Variants in SLC12A7 observed in about 807,000 individuals in gnomAD.
SLC12A7 encodes K-Cl cotransporter 4.
Under a neutral mutation model 120.6 loss-of-function variants are expected in SLC12A7, and 100 were observed. The ratio of observed to expected loss-of-function variants is 0.83; its 90% CI spans 0.71 to 0.98. The LOEUF (loss-of-function observed/expected upper bound fraction) is 0.98, where lower values mean the gene tolerates loss of function less well. SLC12A7 is among the 50% of genes least tolerant of loss of function. SLC12A7 has a pLI of 0.00. For synonymous variants in SLC12A7, 760 were observed against 678.0 expected (o/e 1.12, Z -1.88); for missense variants, 1,373 against 1,548.1 (o/e 0.89, Z 1.90).
chr5:1,139,623 T>A, the SLC12A7 span, among the ~76,000 whole-genome samples: 48 of 152,158 alleles, frequency 3.2e-4, no homozygotes, highest in African/African-American at 8.9e-4. Context: ...GGAGGCAGAG[T>A]GGCCCCCATG....
chr5:1,055,909 G>C (rs565903381), intron 22 of SLC12A7, among the ~76,000 whole-genome samples: 186 of 152,328 alleles, frequency 1.2e-3, no homozygotes, highest in South Asian at 3.7e-3. Flanking sequence ...AAGATAAAAA[G>C]GGAAGGGAAG....
chr5:1,078,407 G>A (rs923301872), intron 11 of SLC12A7: 12 of 561,774 alleles, frequency 2.1e-5, no homozygotes, highest in Non-Finnish European at 3.8e-5. Context: ...AGGGCTGAGG[G>A]ATCTCCCAGG....
intron 5 of SLC12A7, 92 bp from the exon 6 acceptor site, chr5:1,087,125 G>GGCCT: frequency 6.9e-7 from 1 of 1,457,536 alleles, no homozygotes; most frequent in Non-Finnish European, 9.1e-7. Context: ...GGCAAAGGAG[G>GGCCT]GCCTGTCTCT....
At position 1,064,321 on chromosome 5, in the gene SLC12A7, C is replaced by T. The variant is rs971416228; in HGVS notation, c.2438-69G>A. ...TGCGGAAGGGGCCTCCCCGGGGACT[C>T]ACAGCCAGTGCAGGGGCGGGCACGG... On this transcript the variant is annotated intron_variant, in intron 18 of 23. Coordinates refer to ENST00000264930, the MANE Select transcript of SLC12A7 (RefSeq NM_006598.3). The T allele has an allele frequency of 6.2e-5, 96 of 1,536,936 alleles. 1 individual carries two copies. The highest frequency in any genetic ancestry group is 5.2e-5 in the Non-Finnish European group (60 of 1,142,932).
chr5:1,081,251 G>C (rs1048998793), intron 9 of SLC12A7, among the ~76,000 whole-genome samples: 1 of 151,904 alleles, frequency 6.6e-6, no homozygotes, highest in Non-Finnish European at 1.5e-5. Flanking sequence ...CTTGAGCTCA[G>C]GAGTTTGAGA....
chr5:1,076,162 C>T lies in SLC12A7; in HGVS notation c.1823G>A (p.Arg608His), dbSNP rs776920626. 6.8e-6 allele frequency: 11 copies of T among 1,611,764 alleles called. No individual in the cohort carries two copies. The highest frequency in any genetic ancestry group is 1.7e-5 in the Admixed American group (1 of 59,846). Residue 608 changes from arginine (R) to histidine (H), a missense_variant, in exon 14 of 24, where the codon CGT (arginine) becomes CAT (histidine). Coordinates refer to ENST00000264930, the MANE Select transcript of SLC12A7 (RefSeq NM_006598.3). ...CCAGTGGTAGAACTTGAAGCGTGGA[C>T]GCCAGTTGGGGGTACGTAGCAGGGT... is the stretch of plus-strand genomic sequence containing the variant. Reference protein sequence around the residue: ...VQTLLRTPNWRPRFKFYHWTL... With the variant: ...VQTLLRTPNWHPRFKFYHWTL...
At chr5:1,141,474 G>A in the SLC12A7 span, among the ~76,000 whole-genome samples, 25 of 148,556 alleles carry the variant, frequency 1.7e-4, no homozygotes, top group Admixed American at 8.0e-4. Flanking sequence ...GAGCCGCCAC[G>A]GGCACCACAG....
chr5:1,136,215 T>C, the SLC12A7 span, among the ~76,000 whole-genome samples: 8 of 152,152 alleles, frequency 5.3e-5, no homozygotes, highest in South Asian at 2.1e-4. Flanking sequence ...ATCCGTGCAA[T>C]AGAGGGAAAC....
rs765962932 is a variant in SLC12A7, at chr5:1,075,478, A to C, written c.1860T>G (p.Phe620Leu). 6.2e-7 allele frequency: 1 copy of C among 1,611,544 alleles called. No homozygotes were observed. Among genetic ancestry groups the C allele is most frequent in the Admixed American group, 1.7e-5 (1 of 59,964 alleles). The change falls in exon 15 of 24, where the codon TTT (phenylalanine) becomes TTG (leucine). Residue 620 changes from phenylalanine (F) to leucine (L), a missense_variant. Coordinates refer to ENST00000264930, the MANE Select transcript of SLC12A7 (RefSeq NM_006598.3). Reference sequence around the variant, plus strand: ...GCGCCAGGCACAGGCTCATACCCAGAAAGGACAGGGTCCTGGGGGCGGGGC... The same window carrying C: ...GCGCCAGGCACAGGCTCATACCCAGCAAGGACAGGGTCCTGGGGGCGGGGC... Reference protein sequence around the residue: ...RFKFYHWTLSFLGMSLCLALM... With the variant: ...RFKFYHWTLSLLGMSLCLALM...
intron 9 of SLC12A7, 81 bp from the exon 10 acceptor site, chr5:1,079,577 A>C: frequency 3.3e-6 from 4 of 1,215,744 alleles, no homozygotes; most frequent in Non-Finnish European, 4.9e-6. Context: ...GAAAGCTGGA[A>C]AGGCGGTCTC....
intron 1 of SLC12A7, among the ~76,000 whole-genome samples, chr5:1,096,428 C>T (rs1005450763): frequency 2.6e-5 from 4 of 152,070 alleles, no homozygotes; most frequent in Non-Finnish European, 5.9e-5. Context: ...ATACTTTCAA[C>T]TAAGAAAATA....
chr5:1,075,327 C>T (rs781764493), intron 15 of SLC12A7, 44 bp downstream of exon 15: 8 of 1,588,824 alleles, frequency 5.0e-6, no homozygotes, highest in Non-Finnish European at 6.9e-6. Context: ...GAGGGGCCCG[C>T]CCTCCCGTGC....
At chr5:1,152,100 G>A in the SLC12A7 span, among the ~76,000 whole-genome samples, 4 of 152,230 alleles carry the variant, frequency 2.6e-5, no homozygotes, top group African/African-American at 9.6e-5. Context: ...CCATTGCCTG[G>A]TGCTCCCTGT....
chr5:1,103,479 C>T (rs1742205045), intron 1 of SLC12A7, among the ~76,000 whole-genome samples: 1 of 152,030 alleles, frequency 6.6e-6, no homozygotes, highest in South Asian at 2.1e-4. Flanking sequence ...ACAGGCACTT[C>T]CACGTGCACA....
At chr5:1,083,994 C>T in intron 7 of SLC12A7, 38 bp from the exon 8 acceptor site, 1 of 1,578,948 alleles carries the variant, frequency 6.3e-7, no homozygotes, top group South Asian at 1.1e-5. Flanking sequence ...TGTGCTGCCA[C>T]CGAAGTGGCT....
the SLC12A7 span, among the ~76,000 whole-genome samples, chr5:1,143,430 C>T: frequency 4.6e-5 from 7 of 152,178 alleles, no homozygotes; most frequent in African/African-American, 1.2e-4. Flanking sequence ...TGTCCTCCCA[C>T]GGCCGCTCCT....
At chr5:1,144,551 G>A in the SLC12A7 span, among the ~76,000 whole-genome samples, 3 of 152,190 alleles carry the variant, frequency 2.0e-5, no homozygotes, top group Admixed American at 2.0e-4. Flanking sequence ...TGGAGGGCAC[G>A]GTGAGGTCAC....
chr5:1,153,420 C>G, the SLC12A7 span, among the ~76,000 whole-genome samples: 6 of 152,234 alleles, frequency 3.9e-5, no homozygotes, highest in South Asian at 4.1e-4. Flanking sequence ...CACCTGCCCC[C>G]ACACGCTTTC....
intron 8 of SLC12A7, among the ~76,000 whole-genome samples, chr5:1,083,095 C>T (rs1397480931): frequency 6.7e-6 from 1 of 149,164 alleles, no homozygotes; most frequent in Non-Finnish European, 1.5e-5. Context: ...TGGGCTTCCT[C>T]TCTAGGGTTC....
Sources: gnomAD v4.1 joint callset for allele counts (sites outside exome capture counted in the v4.1 genomes callset) on GRCh38, gnomAD v4.1.1 for gene constraint, MANE v1.5 for transcripts, NCBI Gene and HGNC (gene_info 2026-07-23, HGNC 2026-07-21) for gene names.